Variants in FRMPD4 observed in about 807,000 individuals in gnomAD.
FRMPD4 encodes the protein FERM and PDZ domain containing 4, also known as FERM and PDZ domain-containing protein 4.
In FRMPD4, 22 loss-of-function variants were observed where a neutral mutation model predicts 94.1. That is an observed-to-expected ratio of 0.23 (90% CI 0.17 to 0.33). The LOEUF (loss-of-function observed/expected upper bound fraction) is 0.33, where lower values mean the gene tolerates loss of function less well. Ranked by LOEUF, FRMPD4 falls within the 10% of genes least tolerant of loss-of-function variation. The pLI is 1.00. For synonymous variants in FRMPD4, 631 were observed against 548.6 expected (o/e 1.15, Z -2.10); for missense variants, 1,111 against 1,339.9 (o/e 0.83, Z 2.67).
At chrX:11,908,268 C>T (rs964612123) in intron 3 of FRMPD4, among the ~76,000 whole-genome samples, 1 of 112,068 alleles carries the variant, frequency 8.9e-6, no homozygotes, top group East Asian at 2.8e-4. Context: ...GACTTGCAAT[C>T]ATCCAGAGAT....
chrX:12,072,219 C>T (rs765397913), intron 3 of FRMPD4, among the ~76,000 whole-genome samples: 29 of 111,682 alleles, frequency 2.6e-4, no homozygotes, highest in African/African-American at 9.1e-4. Context: ...GGGAACAGCA[C>T]ATTTCTATTT....
Position 12,204,692 on chromosome X carries a change from C to G in FRMPD4, c.41+65680C>G, listed in dbSNP as rs143699021. On this transcript the variant is annotated intron_variant, in intron 1 of 16. Transcript: ENST00000675598. The stretch of plus-strand genomic sequence containing the variant: ...CCTAGAACGCCTTTTCCCTTCTCTT[C>G]TCTTCATCACTGTCTTCTTCACCCC... 3.1e-4 allele frequency among the ~76,000 whole-genome samples: 34 copies of G among 111,329 alleles called. 1 individual carries two copies. In the East Asian group the frequency reaches 9.7e-3, roughly 32 times the overall value.
At chrX:12,400,879 AAAATC>A (rs1569261641) in intron 1 of FRMPD4, among the ~76,000 whole-genome samples, 1 of 112,148 alleles carries the variant, frequency 8.9e-6, no homozygotes, top group Non-Finnish European at 1.9e-5. Flanking sequence ...CCTGAAACTC[AAAATC>A]TCAAAACTCC....
At chrX:12,450,953 GAA>G (rs1261769159) in intron 1 of FRMPD4, among the ~76,000 whole-genome samples, 2 of 100,009 alleles carry the variant, frequency 2.0e-5, no homozygotes, top group Non-Finnish European at 4.1e-5. Context: ...TCTTATTCAG[GAA>G]AAAAAAAAAG....
chrX:12,723,891 A>G lies in FRMPD4; in HGVS notation c.*2033A>G, dbSNP rs1333582794. 8.9e-6 allele frequency: 1 copy of G among 111,885 alleles called. No homozygotes were observed. The highest frequency in any genetic ancestry group is 4.2e-3 in the Middle Eastern group (1 of 240). 9.2% of individuals were successfully genotyped at this position (111,885 alleles called of 1,213,427 possible). A position where few individuals can be genotyped will look rare whatever the true frequency, so the allele number is the denominator to read the frequency against. On this transcript the variant is annotated 3_prime_UTR_variant, in exon 17 of 17. Coordinates refer to ENST00000675598, the MANE Select transcript of FRMPD4 (RefSeq NM_001368397.1). ...CTAGTCTCAATTTCCTCATAATAAA[A>G]TGAAAATCAATTATAAGATCGATTT...
chrX:12,368,689 C>A (rs1301614064), intron 1 of FRMPD4, among the ~76,000 whole-genome samples: 2 of 111,077 alleles, frequency 1.8e-5, no homozygotes, highest in Non-Finnish European at 3.8e-5. Flanking sequence ...GACCAACCTG[C>A]CCAGTATGGT....
At chrX:12,495,549 AC>A (rs1196411921) in intron 1 of FRMPD4, among the ~76,000 whole-genome samples, 7 of 110,303 alleles carry the variant, frequency 6.3e-5, no homozygotes, top group African/African-American at 2.3e-4. Flanking sequence ...TTGCTGGATC[AC>A]CCCCATCACC....
intron 1 of FRMPD4, among the ~76,000 whole-genome samples, chrX:12,303,791 G>A (rs565254265): frequency 1.8e-5 from 2 of 112,368 alleles, no homozygotes; most frequent in East Asian, 2.8e-4. Context: ...CAAAAAGATC[G>A]ATCCTTGGAT....
chrX:12,043,479 A>G (rs1001905005), intron 3 of FRMPD4, among the ~76,000 whole-genome samples: 9 of 111,783 alleles, frequency 8.1e-5, no homozygotes, highest in African/African-American at 2.9e-4. Flanking sequence ...TACAGGCATC[A>G]TACACTATAT....
chrX:12,719,093 A>T (rs2042168286), intron 16 of FRMPD4, among the ~76,000 whole-genome samples: 1 of 112,719 alleles, frequency 8.9e-6, no homozygotes, highest in Non-Finnish European at 1.9e-5. Flanking sequence ...TGTGACTTTT[A>T]GTTATATGAT....
At chrX:12,143,379 T>A (rs2055718054) in intron 1 of FRMPD4, among the ~76,000 whole-genome samples, 1 of 112,759 alleles carries the variant, frequency 8.9e-6, no homozygotes, top group South Asian at 3.7e-4. Flanking sequence ...AATTTCAGTG[T>A]CCATAAATAA....
chrX:12,433,658 G>GC (rs2059135539), intron 1 of FRMPD4, among the ~76,000 whole-genome samples: 1 of 112,083 alleles, frequency 8.9e-6, no homozygotes, highest in African/African-American at 3.2e-5. Context: ...CTTACTTCCT[G>GC]CCCCCAGATA....
chrX:12,683,675 G>C (rs2059994173), intron 6 of FRMPD4, 88 bp downstream of exon 6: 2 of 482,589 alleles, frequency 4.1e-6, no homozygotes, highest in Non-Finnish European at 7.3e-6. Flanking sequence ...AGTCCCACTG[G>C]AATGACTGAT....
chrX:12,250,054 GTGTGTGTGTT>G (rs2054015181), intron 1 of FRMPD4, among the ~76,000 whole-genome samples: 1 of 88,314 alleles, frequency 1.1e-5, no homozygotes, highest in African/African-American at 4.4e-5. Flanking sequence ...CTCTCTGTGT[GTGTGTGTGTT>G]TGTGTGTTTG....
In FRMPD4 at chrX:12,716,845, G is replaced by A. The variant is rs1333791772; in HGVS notation, c.2386G>A (p.Asp796Asn). The A allele has an allele frequency of 2.5e-6, 3 of 1,211,920 alleles. No homozygotes were observed. The highest frequency in any genetic ancestry group is 4.3e-5 in the Admixed American group (2 of 46,102). The change falls in exon 15 of 17, where the codon GAT becomes AAT. Residue 796 changes from aspartate to asparagine, a missense_variant. Transcript: ENST00000675598. ...LPPPEGDDNEDDFLLRSLNMA... is the reference protein window; with the variant it reads ...LPPPEGDDNENDFLLRSLNMA... ...CCCTCCAGAAGGTGATGACAATGAG[G>A]ATGACTTCCTGTTGCGTTCCTTGAA...
intron 1 of FRMPD4, among the ~76,000 whole-genome samples, chrX:12,181,568 A>G (rs752920451): frequency 1.7e-4 from 19 of 112,026 alleles, no homozygotes; most frequent in Admixed American, 1.5e-3. Context: ...GGGTCCCACT[A>G]CTGAAAGGTT....
chrX:12,179,891 T>A (rs939398894), intron 1 of FRMPD4, among the ~76,000 whole-genome samples: 1 of 107,756 alleles, frequency 9.3e-6, no homozygotes, highest in Non-Finnish European at 1.9e-5. Flanking sequence ...TTTTTTAAAG[T>A]ATATTTGTTT....
At chrX:12,164,637 G>T (rs189492918) in intron 1 of FRMPD4, among the ~76,000 whole-genome samples, 2 of 112,041 alleles carry the variant, frequency 1.8e-5, no homozygotes, top group Non-Finnish European at 3.8e-5. Context: ...ACTTCCACAA[G>T]GGTTGAACTG....
chrX:12,077,888 C>A (rs990308495), intron 3 of FRMPD4, among the ~76,000 whole-genome samples: 8 of 111,886 alleles, frequency 7.2e-5, no homozygotes, highest in Non-Finnish European at 1.5e-4. Flanking sequence ...TGCTGTATAA[C>A]AAATTACTGC....
Sources: allele counts gnomAD v4.1 joint callset (sites outside exome capture counted in the v4.1 genomes callset), GRCh38; gene constraint gnomAD v4.1.1; transcripts MANE v1.5; gene names NCBI Gene and HGNC (gene_info 2026-07-23, HGNC 2026-07-21).